Variants in COL11A1 observed in about 807,000 individuals in gnomAD.
COL11A1 encodes collagen type XI alpha 1 chain.
In COL11A1, 74 loss-of-function variants were observed where a neutral mutation model predicts 265.2. The observed-to-expected ratio is 0.28, with a 90% CI of 0.23 to 0.34. The LOEUF (loss-of-function observed/expected upper bound fraction) is 0.34, where lower values mean the gene tolerates loss of function less well. COL11A1 is among the 10% of genes least tolerant of loss of function. The pLI, the probability that COL11A1 is intolerant of heterozygous loss-of-function variation, is 1.00. For synonymous variants in COL11A1, 816 were observed against 727.6 expected (o/e 1.12, Z -1.96); for missense variants, 2,165 against 2,263.6 (o/e 0.96, Z 0.88).
intron 49 of COL11A1, among the ~76,000 whole-genome samples, chr1:102,916,244 C>T (rs1457316772): frequency 6.6e-6 from 1 of 152,114 alleles, no homozygotes. Flanking sequence ...TGAGTATACA[C>T]ATAAATGTGA....
At chr1:102,961,557 T>G (rs1356922503) in intron 41 of COL11A1, among the ~76,000 whole-genome samples, 2 of 152,204 alleles carry the variant, frequency 1.3e-5, no homozygotes, top group Non-Finnish European at 2.9e-5. Flanking sequence ...CTACAGCCTC[T>G]CCAGGCATTC....
intron 62 of COL11A1, among the ~76,000 whole-genome samples, chr1:102,888,053 T>C (rs779258265): frequency 4.6e-5 from 7 of 152,202 alleles, no homozygotes; most frequent in Admixed American, 6.5e-5. Context: ...CTAGTATACA[T>C]ATAGTTGGAA....
chr1:103,066,867 G>C (rs571844213), intron 4 of COL11A1, among the ~76,000 whole-genome samples: 1 of 151,948 alleles, frequency 6.6e-6, no homozygotes, highest in African/African-American at 2.4e-5. Flanking sequence ...TCAAATTGTA[G>C]GTTAACAAGA....
intron 3 of COL11A1, 109 bp from the exon 4 acceptor site, chr1:103,074,889 C>A: frequency 7.7e-7 from 1 of 1,295,334 alleles, no homozygotes; most frequent in South Asian, 1.2e-5. Flanking sequence ...GAGCTAAAAT[C>A]ATACAAAAAA....
At chr1:103,006,387 A>G in intron 15 of COL11A1, 72 bp from the exon 16 acceptor site, 1 of 1,176,892 alleles carries the variant, frequency 8.5e-7, no homozygotes. Flanking sequence ...ATCAAGAGAG[A>G]TGGTTTCAGA....
chr1:102,935,541 G>A (rs1658049629), intron 44 of COL11A1, among the ~76,000 whole-genome samples: 1 of 152,148 alleles, frequency 6.6e-6, no homozygotes, highest in African/African-American at 2.4e-5. Flanking sequence ...TATACAGATA[G>A]AATGTAGTAA....
chr1:103,017,070 T>C (rs1666626082), intron 11 of COL11A1, among the ~76,000 whole-genome samples: 1 of 151,996 alleles, frequency 6.6e-6, no homozygotes. Context: ...ACTGGACATA[T>C]CAAATTAAGT....
In COL11A1 at chr1:102,890,432, C is replaced by T; in HGVS notation, c.4356+19G>A. The T allele has an allele frequency of 3.1e-6, 5 of 1,595,092 alleles. No homozygotes were observed. The highest frequency in any genetic ancestry group is 3.4e-6 in the Non-Finnish European group (4 of 1,167,932). Reference sequence around the variant, plus strand: ...TAAAAGCATATTCTTTTATTAATAACACATTCTTTTATTCTCACCTTTTCA... The same window carrying T: ...TAAAAGCATATTCTTTTATTAATAATACATTCTTTTATTCTCACCTTTTCA... On this transcript the variant is annotated intron_variant, in intron 58 of 66. Coordinates refer to ENST00000370096, the MANE Select transcript of COL11A1 (RefSeq NM_001854.4).
chr1:102,938,920 T>C (rs1198480663), intron 44 of COL11A1, 115 bp downstream of exon 44: 2 of 838,660 alleles, frequency 2.4e-6, no homozygotes, highest in Non-Finnish European at 4.1e-6. Context: ...TAATGTAGTA[T>C]TGGTATTATA....
chr1:102,899,934 A>C (rs1426051431), intron 54 of COL11A1, among the ~76,000 whole-genome samples: 2 of 152,068 alleles, frequency 1.3e-5, no homozygotes, highest in African/African-American at 4.8e-5. Context: ...GTGGATGATG[A>C]GAGGTTGCTT....
At chr1:103,084,013 C>T (rs1285493794) in intron 1 of COL11A1, among the ~76,000 whole-genome samples, 1 of 152,144 alleles carries the variant, frequency 6.6e-6, no homozygotes, top group Admixed American at 6.5e-5. Context: ...TTATAATTCA[C>T]ATACCATACA....
At chr1:103,058,692 G>C (rs1034106196) in intron 4 of COL11A1, among the ~76,000 whole-genome samples, 2 of 152,138 alleles carry the variant, frequency 1.3e-5, no homozygotes, top group Non-Finnish European at 2.9e-5. Flanking sequence ...GCCTCAAGGA[G>C]GAGAGAATTT....
At chr1:102,982,901 T>C (rs2101706480) in intron 31 of COL11A1, among the ~76,000 whole-genome samples, 1 of 152,164 alleles carries the variant, frequency 6.6e-6, no homozygotes. Context: ...AGAAACAGGA[T>C]TTGCCATACC....
At chr1:103,040,094 T>C (rs950154816) in intron 4 of COL11A1, among the ~76,000 whole-genome samples, 1 of 152,064 alleles carries the variant, frequency 6.6e-6, no homozygotes, top group African/African-American at 2.4e-5. Context: ...ATAGTCTTAT[T>C]TTTAAAATAC....
At chr1:102,889,775 T>C (rs1651513297) in intron 58 of COL11A1, among the ~76,000 whole-genome samples, 1 of 152,184 alleles carries the variant, frequency 6.6e-6, no homozygotes, top group Non-Finnish European at 1.5e-5. Flanking sequence ...AAGTGAGGGC[T>C]TTATTAAGCA....
chr1:103,006,471 AG>A (rs1665623149), intron 15 of COL11A1, among the ~76,000 whole-genome samples, 156 bp from the exon 16 acceptor site: 2 of 151,302 alleles, frequency 1.3e-5, no homozygotes, highest in Non-Finnish European at 2.9e-5. Context: ...GTTCAGATAA[AG>A]CAGAAGACAA....
intron 49 of COL11A1, among the ~76,000 whole-genome samples, chr1:102,915,966 G>A (rs1379061379): frequency 6.6e-6 from 1 of 152,110 alleles, no homozygotes; most frequent in East Asian, 1.9e-4. Context: ...CATCATAACA[G>A]ACATATGCAT....
chr1:103,002,616 A>G (rs1328562958), intron 22 of COL11A1, 131 bp downstream of exon 22: 1 of 1,116,476 alleles, frequency 9.0e-7, no homozygotes, highest in East Asian at 2.5e-5. Flanking sequence ...ATTTCAAAAT[A>G]TTAATGCAAG....
At chr1:103,029,238 G>C (rs985702095) in intron 5 of COL11A1, among the ~76,000 whole-genome samples, 9 of 151,976 alleles carry the variant, frequency 5.9e-5, no homozygotes, top group African/African-American at 2.2e-4. Flanking sequence ...TAATAAACAT[G>C]CAATGCCAGA....
Sources: gnomAD v4.1 joint callset for allele counts (sites outside exome capture counted in the v4.1 genomes callset) on GRCh38, gnomAD v4.1.1 for gene constraint, MANE v1.5 for transcripts, NCBI Gene and HGNC (gene_info 2026-07-23, HGNC 2026-07-21) for gene names.